Variants in PIGA observed in about 807,000 individuals in gnomAD.
PIGA encodes phosphatidylinositol N-acetylglucosaminyltransferase subunit A.
Under a neutral mutation model 17.1 loss-of-function variants are expected in PIGA, and 3 were observed. The observed-to-expected ratio is 0.18, with a 90% CI of 0.08 to 0.45. The LOEUF (loss-of-function observed/expected upper bound fraction) is 0.45. PIGA is among the 20% of genes least tolerant of loss of function. The pLI is 0.99. For missense variants in PIGA, 231 were observed against 374.1 expected, an observed-to-expected ratio of 0.62 and a Z score of 3.16; for synonymous variants, 126 against 135.1, an observed-to-expected ratio of 0.93 and a Z score of 0.47.
chrX:15,324,986 A>C, intron 4 of PIGA, 34 bp downstream of exon 4: 3 of 1,181,613 alleles, frequency 2.5e-6, no homozygotes, highest in Non-Finnish European at 3.4e-6. Context: ...AATACACAGA[A>C]ATCCCAACCA....
At chrX:15,323,525 TG>T (rs1921879266) in intron 5 of PIGA, among the ~76,000 whole-genome samples, 1 of 111,016 alleles carries the variant, frequency 9.0e-6, no homozygotes, top group Non-Finnish European at 1.9e-5. Context: ...CAACTTTCCA[TG>T]TTTCATATGG....
intron 2 of PIGA, chrX:15,326,826 C>T (rs1921985418): frequency 8.9e-6 from 1 of 111,997 alleles, no homozygotes; most frequent in Admixed American, 9.5e-5. Flanking sequence ...AACACAATCT[C>T]AGGTAATAGA....
intron 3 of PIGA, 22 bp downstream of exon 3, chrX:15,325,892 A>G (rs1394146867): frequency 6.8e-6 from 8 of 1,180,297 alleles, no homozygotes; most frequent in Non-Finnish European, 9.1e-6. Context: ...CTCCCTCAAG[A>G]CAACATGAAA....
chrX:15,320,980 A>G lies in PIGA; in HGVS notation c.*526T>C, dbSNP rs1287917133. On this transcript the variant is annotated 3_prime_UTR_variant, in exon 6 of 6. Coordinates refer to ENST00000333590, the MANE Select transcript of PIGA (RefSeq NM_002641.4). ...TGGTAACTGATGGACTATCTTACTC[A>G]AGGAACCTGTTAATTACATGTAACA... 1.8e-5 allele frequency: 2 copies of G among 113,655 alleles called. No homozygotes were observed. The highest frequency in any genetic ancestry group is 1.8e-5 in the Non-Finnish European group (1 of 54,070). 9.4% of individuals were successfully genotyped at this position (113,655 alleles called of 1,213,427 possible). A position where few individuals can be genotyped will look rare whatever the true frequency, so the allele number is the denominator to read the frequency against.
At chrX:15,332,481 T>C (rs1395648590) in intron 1 of PIGA, among the ~76,000 whole-genome samples, 1 of 112,541 alleles carries the variant, frequency 8.9e-6, no homozygotes, top group African/African-American at 3.2e-5. Context: ...ATCTTATAAA[T>C]GGAAAGTCTA....
rs1922176302 is a variant in PIGA, at chrX:15,331,884, G to A, written c.47C>T (p.Thr16Ile). 1.7e-6 allele frequency: 2 copies of A among 1,209,793 alleles called. No individual in the cohort carries two copies. Among genetic ancestry groups the A allele is most frequent in the East Asian group, 5.9e-5 (2 of 33,833 alleles). Residue 16 changes from threonine (T) to isoleucine (I), a missense_variant, in exon 2 of 6, where the codon ACA becomes ATA. Thr to Ile is a moderately conservative substitution (Grantham distance 89, BLOSUM62 -1). Around this residue, in one of 5 missense-constraint regions of PIGA, gnomAD observed 29 missense variants for 28.1 expected, o/e 1.03. Coordinates refer to ENST00000333590, the MANE Select transcript of PIGA (RefSeq NM_002641.4). ...GAGNGHRASA[T>I]LSRVSPGSLY... ...ACTTCCAGGGCTAACCCGAGAGAGT[G>A]TAGCTGAGGCACGGTGGCCATTCCC...
At chrX:15,326,089 C>T (rs778172480) in intron 2 of PIGA, 43 bp from the exon 3 acceptor site, 2 of 957,910 alleles carry the variant, frequency 2.1e-6, no homozygotes, top group Non-Finnish European at 2.9e-6. Flanking sequence ...AATATTTAAA[C>T]TTAAAAAAAT....
chrX:15,321,721 C>G lies in PIGA; in HGVS notation c.1240G>C (p.Asp414His), dbSNP rs768524297. ...GGGCCGCAGTGAGAAATAAGTCTGT[C>G]CAGTCGTTTGTCCATTGGCAACACA... ...EAVLPMDKRL[D>H]RLISHCGPVT... is the part of the protein sequence containing the mutation. The change falls in exon 6 of 6, where the codon GAC becomes CAC. Residue 414 changes from aspartate to histidine, a missense_variant. Physicochemically the swap from Asp to His is moderately conservative, Grantham distance 81. This residue lies in a region of PIGA where 88 missense variants were observed against 100.5 expected (regional missense o/e 0.88). Transcript: ENST00000333590. 1.7e-6 allele frequency: 2 copies of G among 1,208,244 alleles called. No individual in the cohort carries two copies. Among genetic ancestry groups the G allele is most frequent in the African/African-American group, 3.5e-5 (2 of 57,117 alleles).
rs1390829209 is a variant in PIGA at position 15,335,512 on chromosome X, A to G, written c.-74T>C. The G allele has an allele frequency of 1.0e-6, 1 of 977,815 alleles. No homozygotes were observed. Among genetic ancestry groups the G allele is most frequent in the Non-Finnish European group, 1.3e-6 (1 of 776,743 alleles). The allele number at this position is 977,815 out of a possible 1,213,427, so 80.6% of individuals were successfully genotyped here. ...CGACGCGCACTCACCGGTGAGTTCC[A>G]TGGCCGCCAGTGTCCGGACCTCCCG... On this transcript the variant is annotated 5_prime_UTR_variant, in exon 1 of 6. An upstream start codon of the reference 5' UTR is lost. Coordinates refer to ENST00000333590, the MANE Select transcript of PIGA (RefSeq NM_002641.4).
At chrX:15,323,955 T>C (rs750762266) in intron 5 of PIGA, among the ~76,000 whole-genome samples, 6 of 112,050 alleles carry the variant, frequency 5.4e-5, no homozygotes, top group Non-Finnish European at 1.1e-4. Flanking sequence ...GCAGAGAACA[T>C]CATGAAAAGG....
chrX:15,333,641 G>A (rs1477378143), intron 1 of PIGA, among the ~76,000 whole-genome samples: 1 of 112,044 alleles, frequency 8.9e-6, no homozygotes, highest in East Asian at 2.8e-4. Context: ...AGATCGCGCC[G>A]CTGCACTCCA....
chrX:15,328,425 G>A (rs1271717703), intron 2 of PIGA: 1 of 112,346 alleles, frequency 8.9e-6, no homozygotes, highest in African/African-American at 3.2e-5. Context: ...AGGCTTGGAA[G>A]AGGAGGCTCA....
rs1921803281 is a variant in PIGA at position 15,321,344 on chromosome X, C to T, written c.*162G>A. ...AGTTTCTACACTCAGGAATTGCATA[C>T]ATTTTTATCTTTCCTCAACAGAAAA... On this transcript the variant is annotated 3_prime_UTR_variant, in exon 6 of 6. Coordinates refer to ENST00000333590, the MANE Select transcript of PIGA (RefSeq NM_002641.4). The T allele has an allele frequency of 2.2e-6, 1 of 445,767 alleles. No homozygotes were observed. 36.7% of individuals were successfully genotyped at this position (445,767 alleles called of 1,213,427 possible).
Position 15,321,471 on chromosome X carries a change from A to G in PIGA, c.*35T>C, listed in dbSNP as rs1921808497. The stretch of plus-strand genomic sequence containing the variant: ...TTTCCATAGTCTTTATAGAACTATT[A>G]CAAATGTTTAAAATCTTACAATCTA... On this transcript the variant is annotated 3_prime_UTR_variant, in exon 6 of 6. Transcript: ENST00000333590. 2 of 1,144,319 alleles carry G rather than the reference A, an allele frequency of 1.7e-6. No individual in the cohort carries two copies. Among genetic ancestry groups the G allele is most frequent in the Admixed American group, 4.6e-5 (2 of 43,609 alleles). 94.3% of individuals were successfully genotyped at this position (1,144,319 alleles called of 1,213,427 possible).
At chrX:15,326,164 G>A (rs1921966186) in intron 2 of PIGA, 118 bp from the exon 3 acceptor site, 2 of 436,593 alleles carry the variant, frequency 4.6e-6, no homozygotes, top group Admixed American at 8.5e-5. Flanking sequence ...ATAAAGGAGA[G>A]AAACTCTCTT....
chrX:15,335,468 G>A, intron 1 of PIGA, 33 bp downstream of exon 1: 1 of 991,139 alleles, frequency 1.0e-6, no homozygotes, highest in Non-Finnish European at 1.3e-6. Flanking sequence ...GCGGCCCAGA[G>A]CGCTGGAGAG....
Position 15,321,782 on chromosome X carries a change from G to A in PIGA, c.1189-10C>T, listed in dbSNP as rs1921826070. On this transcript the variant is annotated splice_polypyrimidine_tract_variant and intron_variant, in intron 5 of 5. Coordinates refer to ENST00000333590, the MANE Select transcript of PIGA (RefSeq NM_002641.4). Reference sequence around the variant, plus strand: ...ATACCCGGTCATATACCTGGAGGGAGAGAAGCCAAGTGTGAGCACTTTCAC... The same window carrying A: ...ATACCCGGTCATATACCTGGAGGGAAAGAAGCCAAGTGTGAGCACTTTCAC... 3 of 1,204,163 alleles carry A rather than the reference G, an allele frequency of 2.5e-6. No homozygotes were observed. The highest frequency in any genetic ancestry group is 3.4e-6 in the Non-Finnish European group (3 of 889,237).
rs769842536 is a variant in PIGA, at chrX:15,332,819, C to A, written c.-62-827G>T. Among the ~76,000 whole-genome samples the A allele has an allele frequency of 2.9e-4, 32 of 111,803 alleles. No individual in the cohort carries two copies. The Middle Eastern group carries it at 0.014, about 48-fold the overall frequency. Reference sequence around the variant, plus strand: ...AAGAGATAATATGGAGAAGGAAGAGCTCTGAGACTACATGGAAAGAGCCAG... The same window carrying A: ...AAGAGATAATATGGAGAAGGAAGAGATCTGAGACTACATGGAAAGAGCCAG... On this transcript the variant is annotated intron_variant, in intron 1 of 5. Coordinates refer to ENST00000333590, the MANE Select transcript of PIGA (RefSeq NM_002641.4).
chrX:15,320,073 A>T lies in PIGA; in HGVS notation c.*1433T>A, dbSNP rs1921753362. On this transcript the variant is annotated 3_prime_UTR_variant, in exon 6 of 6. Transcript: ENST00000333590. The stretch of plus-strand genomic sequence containing the variant: ...CTAACTTCTAGATTTTAAAAATTGC[A>T]CTCTTGCTTTTGCATTTTAGTACAA... 1.8e-5 allele frequency: 2 copies of T among 112,475 alleles called. No homozygotes were observed. Among genetic ancestry groups the T allele is most frequent in the African/African-American group, 3.2e-5 (1 of 30,946 alleles). 9.3% of individuals were successfully genotyped at this position (112,475 alleles called of 1,213,427 possible).
Sources: gnomAD v4.1 joint callset for allele counts (sites outside exome capture counted in the v4.1 genomes callset) on GRCh38, gnomAD v4.1.1 for gene constraint, gnomAD v4.1.1 regional missense constraint, MANE v1.5 for transcripts, NCBI Gene and HGNC (gene_info 2026-07-23, HGNC 2026-07-21) for gene names.